The following ADGRL3 variants were observed in gnomAD, a reference collection of about 807,000 sequenced individuals.
The protein encoded by ADGRL3 is adhesion G protein-coupled receptor L3.
Under a neutral mutation model 153.5 loss-of-function variants are expected in ADGRL3, and 62 were observed. The observed-to-expected ratio is 0.40, with a 90% CI of 0.33 to 0.50. The LOEUF is 0.50. Among genes scored for constraint, ADGRL3 ranks in the 20% least tolerant of loss-of-function variants. The probability of loss-of-function intolerance (pLI) is 0.47; values close to 1 mark genes in which losing one functional copy is unlikely to be tolerated. For missense variants in ADGRL3, 1,641 were observed against 1,859.4 expected (o/e 0.88, Z 2.16); for synonymous variants, 710 against 672.5 (o/e 1.06, Z -0.86).
chr4:61,589,265 C>T (rs966325130), intron 5 of ADGRL3, among the ~76,000 whole-genome samples: 32 of 152,172 alleles, frequency 2.1e-4, no homozygotes, highest in African/African-American at 7.5e-4. Flanking sequence ...GCAAGTTTCT[C>T]ACTTGCCTTT....
intron 17 of ADGRL3, among the ~76,000 whole-genome samples, chr4:61,975,937 G>T (rs1459755209): frequency 6.6e-6 from 1 of 152,060 alleles, no homozygotes; most frequent in African/African-American, 2.4e-5. Flanking sequence ...AGCTGTTTTG[G>T]GCATATAATA....
At chr4:61,295,236 C>G (rs1331120614) in intron 1 of ADGRL3, among the ~76,000 whole-genome samples, 1 of 151,972 alleles carries the variant, frequency 6.6e-6, no homozygotes, top group Admixed American at 6.6e-5. Context: ...TCAAGGAACC[C>G]TTATTTGACT....
At chr4:61,818,275 C>T (rs1290272408) in intron 9 of ADGRL3, among the ~76,000 whole-genome samples, 1 of 152,134 alleles carries the variant, frequency 6.6e-6, no homozygotes, top group Non-Finnish European at 1.5e-5. Context: ...AAAATTCAAT[C>T]GGGTAGTCAT....
At chr4:61,775,419 T>C in intron 8 of ADGRL3, 1 of 676,388 alleles carries the variant, frequency 1.5e-6, no homozygotes, top group Non-Finnish European at 2.7e-6. Flanking sequence ...TGTGTGTGTG[T>C]GTGTGTGTGT....
At chr4:61,764,225 C>T (rs543644505) in intron 8 of ADGRL3, among the ~76,000 whole-genome samples, 1 of 152,174 alleles carries the variant, frequency 6.6e-6, no homozygotes, top group South Asian at 2.1e-4. Context: ...TTTTCATGTG[C>T]GTCCGTGTGA....
chr4:61,872,979 C>A (rs950862366), intron 9 of ADGRL3, among the ~76,000 whole-genome samples: 1 of 151,928 alleles, frequency 6.6e-6, no homozygotes, highest in South Asian at 2.1e-4. Context: ...ACTGTAGTGC[C>A]GTATGATTTG....
At chr4:61,725,971 TTAAA>T (rs60827927) in intron 6 of ADGRL3, among the ~76,000 whole-genome samples, 4,081 of 152,240 alleles carry the variant, frequency 0.027, 204 homozygotes, top group African/African-American at 0.093. Flanking sequence ...ACTTCAATAA[TTAAA>T]TAAGGTGATT....
chr4:61,368,559 G>A (rs1232352522), intron 1 of ADGRL3, among the ~76,000 whole-genome samples: 1 of 151,746 alleles, frequency 6.6e-6, no homozygotes, highest in Non-Finnish European at 1.5e-5. Flanking sequence ...CGTTATTTCT[G>A]AGGGCTCTGT....
chr4:61,432,560 TTTTCTTTCTCTTCCTTTCTTTCTTTC>T (rs1560622273), intron 2 of ADGRL3, among the ~76,000 whole-genome samples: 4 of 33,428 alleles, frequency 1.2e-4, no homozygotes, highest in East Asian at 3.5e-3. Context: ...TATAGATTTC[TTTTCTTTCTCTTCCTTTCTTTCTTTC>T]TTTCTTTCTT....
At chr4:61,276,792 A>G (rs1339062816) in intron 1 of ADGRL3, among the ~76,000 whole-genome samples, 1 of 152,150 alleles carries the variant, frequency 6.6e-6, no homozygotes, top group Non-Finnish European at 1.5e-5. Flanking sequence ...AAAAAAATTT[A>G]ACCATGAATT....
At chr4:61,977,474 C>T (rs2099052209) in intron 17 of ADGRL3, among the ~76,000 whole-genome samples, 1 of 152,058 alleles carries the variant, frequency 6.6e-6, no homozygotes, top group Non-Finnish European at 1.5e-5. Context: ...TGGTAGCATC[C>T]CCCGGAGAAC....
At chr4:61,314,267 T>C (rs2095124606) in intron 1 of ADGRL3, among the ~76,000 whole-genome samples, 1 of 150,236 alleles carries the variant, frequency 6.7e-6, no homozygotes, top group Admixed American at 6.7e-5. Context: ...TAGAGTGCAA[T>C]GGTGCGATCT....
At chr4:61,878,113 A>C (rs28378632) in intron 9 of ADGRL3, among the ~76,000 whole-genome samples, 36,012 of 152,174 alleles carry the variant, frequency 0.24, 5,067 homozygotes, top group Admixed American at 0.36. Flanking sequence ...ATGTCTTTAC[A>C]GCAGTGTGGA....
intron 19 of ADGRL3, among the ~76,000 whole-genome samples, chr4:61,993,836 C>A (rs2099112409): frequency 6.6e-6 from 1 of 152,064 alleles, no homozygotes; most frequent in Non-Finnish European, 1.5e-5. Flanking sequence ...CTTGAATTCT[C>A]TGGTTTGTTT....
intron 8 of ADGRL3, among the ~76,000 whole-genome samples, chr4:61,784,109 T>C (rs2152397496): frequency 6.6e-6 from 1 of 152,230 alleles, no homozygotes; most frequent in East Asian, 1.9e-4. Flanking sequence ...TCCTTGGCCC[T>C]CTCTTGCTCA....
At chr4:61,290,453 A>T (rs1461767619) in intron 1 of ADGRL3, among the ~76,000 whole-genome samples, 1 of 152,064 alleles carries the variant, frequency 6.6e-6, no homozygotes, top group African/African-American at 2.4e-5. Context: ...GCACATGTGC[A>T]CACACAATGG....
intron 8 of ADGRL3, among the ~76,000 whole-genome samples, chr4:61,778,741 T>A (rs1183517972): frequency 6.6e-6 from 1 of 152,176 alleles, no homozygotes; most frequent in African/African-American, 2.4e-5. Context: ...CTGATGGTCA[T>A]TATCATGGTG....
At chr4:61,844,355 C>G (rs1009650267) in intron 9 of ADGRL3, among the ~76,000 whole-genome samples, 35 of 150,552 alleles carry the variant, frequency 2.3e-4, no homozygotes, top group African/African-American at 8.6e-4. Flanking sequence ...CCAGACCAGC[C>G]TGGCCAACCT....
intron 8 of ADGRL3, among the ~76,000 whole-genome samples, chr4:61,767,713 G>GT (rs1044553447): frequency 2.0e-5 from 3 of 152,142 alleles, no homozygotes; most frequent in Admixed American, 6.5e-5. Context: ...TGGGCTGCGG[G>GT]TGTTCCTTGG....
Sources: gnomAD v4.1 joint callset for allele counts (sites outside exome capture counted in the v4.1 genomes callset) on GRCh38, gnomAD v4.1.1 for gene constraint, MANE v1.5 for transcripts, NCBI Gene and HGNC (gene_info 2026-07-23, HGNC 2026-07-21) for gene names.